The following RSRC1 variants were observed in gnomAD, a reference collection of about 807,000 sequenced individuals.
RSRC1 encodes the protein serine/Arginine-related protein 53.
RSRC1 carries 39 observed loss-of-function variants against 49.1 expected under a neutral mutation model. The observed-to-expected ratio is 0.79, with a 90% CI of 0.61 to 1.04. The LOEUF is 1.04. Ranked by LOEUF, RSRC1 falls within the 50% of genes least tolerant of loss-of-function variation. The pLI is 0.00. For synonymous variants in RSRC1, 143 were observed against 130.8 expected, an observed-to-expected ratio of 1.09 and a Z score of -0.63; for missense variants, 388 against 402.4, an observed-to-expected ratio of 0.96 and a Z score of 0.31.
At chr3:158,517,333 C>T (rs1004080682) in intron 7 of RSRC1, among the ~76,000 whole-genome samples, 2 of 152,026 alleles carry the variant, frequency 1.3e-5, no homozygotes, top group Non-Finnish European at 2.9e-5. Context: ...CTTGTTATAT[C>T]ATTTCTTTCT....
chr3:158,500,917 T>C (rs1386148365), intron 7 of RSRC1, among the ~76,000 whole-genome samples: 1 of 152,142 alleles, frequency 6.6e-6, no homozygotes, highest in African/African-American at 2.4e-5. Flanking sequence ...TTTGTTTTTT[T>C]CTTGTTTCTC....
intron 6 of RSRC1, among the ~76,000 whole-genome samples, chr3:158,442,911 T>C (rs1437466310): frequency 6.6e-6 from 1 of 152,154 alleles, no homozygotes; most frequent in Non-Finnish European, 1.5e-5. Context: ...ATTAATCCTC[T>C]TGTATGTCTC....
chr3:158,292,707 T>G (rs185220637), intron 4 of RSRC1, among the ~76,000 whole-genome samples: 191 of 152,332 alleles, frequency 1.3e-3, no homozygotes, highest in Admixed American at 3.5e-3. Context: ...TTTTTCAAAT[T>G]CATTAAAACT....
chr3:158,133,783 T>G (rs895796722), intron 3 of RSRC1, among the ~76,000 whole-genome samples: 5 of 152,248 alleles, frequency 3.3e-5, no homozygotes, highest in Admixed American at 6.5e-5. Context: ...ATCTTCTCAT[T>G]AATATACATC....
chr3:158,303,802 C>G (rs1444502357), intron 5 of RSRC1, among the ~76,000 whole-genome samples: 1 of 152,134 alleles, frequency 6.6e-6, no homozygotes, highest in Non-Finnish European at 1.5e-5. Context: ...AAAAATTCAT[C>G]TTATCTTGCA....
At chr3:158,284,427 C>T (rs1349480707) in intron 4 of RSRC1, among the ~76,000 whole-genome samples, 1 of 146,904 alleles carries the variant, frequency 6.8e-6, no homozygotes, top group Non-Finnish European at 1.5e-5. Flanking sequence ...ATGGCTGGGT[C>T]AAATGGTATT....
chr3:158,123,012 C>CTA (rs1187144786), intron 2 of RSRC1, among the ~76,000 whole-genome samples: 1 of 152,134 alleles, frequency 6.6e-6, no homozygotes, highest in Admixed American at 6.5e-5. Flanking sequence ...CAAGCCTTTG[C>CTA]TATTGTGAAC....
chr3:158,120,183 T>C (rs1476746343), intron 1 of RSRC1, among the ~76,000 whole-genome samples: 1 of 152,186 alleles, frequency 6.6e-6, no homozygotes, highest in Non-Finnish European at 1.5e-5. Context: ...TTACCTATTG[T>C]AGTTTCATTT....
At chr3:158,319,192 G>A (rs553386120) in intron 5 of RSRC1, among the ~76,000 whole-genome samples, 91 of 152,238 alleles carry the variant, frequency 6.0e-4, no homozygotes, top group African/African-American at 1.8e-3. Context: ...GGGACCTGGT[G>A]AGAGGTGATT....
At chr3:158,308,430 G>A (rs578119060) in intron 5 of RSRC1, among the ~76,000 whole-genome samples, 3 of 151,710 alleles carry the variant, frequency 2.0e-5, no homozygotes, top group Admixed American at 6.6e-5. Context: ...GGCGTCTCTC[G>A]GCAGCAACAG....
chr3:158,450,132 G>A (rs1736942104), intron 6 of RSRC1, among the ~76,000 whole-genome samples: 1 of 151,854 alleles, frequency 6.6e-6, no homozygotes, highest in Non-Finnish European at 1.5e-5. Flanking sequence ...TCAGCATTTA[G>A]CTCAGTGATT....
chr3:158,170,895 C>A (rs1318765344), intron 3 of RSRC1, among the ~76,000 whole-genome samples: 1 of 152,080 alleles, frequency 6.6e-6, no homozygotes, highest in African/African-American at 2.4e-5. Context: ...TTTTCTTTCT[C>A]TGCTTTGCCC....
At chr3:158,537,343 C>A in intron 8 of RSRC1, 145 bp downstream of exon 8, 1 of 518,270 alleles carries the variant, frequency 1.9e-6, no homozygotes, top group Non-Finnish European at 3.5e-6. Context: ...AGAGAGAAAA[C>A]AAATCAGGGA....
intron 3 of RSRC1, among the ~76,000 whole-genome samples, chr3:158,156,809 G>A (rs1717904544): frequency 6.6e-6 from 1 of 152,106 alleles, no homozygotes; most frequent in African/African-American, 2.4e-5. Flanking sequence ...AATAATTAGA[G>A]TAGTAACACT....
intron 5 of RSRC1, among the ~76,000 whole-genome samples, chr3:158,344,378 A>G (rs1730433789): frequency 1.3e-5 from 2 of 152,228 alleles, no homozygotes; most frequent in South Asian, 4.1e-4. Context: ...TATACTCATT[A>G]TTATGCATAG....
chr3:158,518,252 C>A (rs984287079), intron 7 of RSRC1, among the ~76,000 whole-genome samples: 1 of 146,182 alleles, frequency 6.8e-6, no homozygotes, highest in African/African-American at 2.5e-5. Flanking sequence ...TTTTAAAAAG[C>A]AAGATTGTGC....
chr3:158,536,804 A>G (rs1712738410), intron 7 of RSRC1, among the ~76,000 whole-genome samples: 1 of 151,520 alleles, frequency 6.6e-6, no homozygotes, highest in African/African-American at 2.4e-5. Context: ...TTCCTTTTAT[A>G]TGTATTTCCA....
chr3:158,182,526 C>A (rs1719682826), intron 3 of RSRC1, among the ~76,000 whole-genome samples: 2 of 152,022 alleles, frequency 1.3e-5, no homozygotes, highest in Non-Finnish European at 2.9e-5. Flanking sequence ...GTGTTCTGGG[C>A]TCTTTGTCTT....
chr3:158,202,992 TCAGATAA>T lies in RSRC1; in HGVS notation c.321-79_321-73del. 6.9e-6 allele frequency: 8 copies of T among 1,155,024 alleles called. No homozygotes were observed. The Admixed American group carries it at 1.0e-4, about 15-fold the overall frequency. 71.5% of individuals were successfully genotyped at this position (1,155,024 alleles called of 1,614,324 possible). A position where few individuals can be genotyped will look rare whatever the true frequency, so the allele number is the denominator to read the frequency against. On this transcript the variant is annotated intron_variant, in intron 3 of 9. Transcript: ENST00000611884. ...CACAACTAAAACTAAGTAGTTTTTT[TCAGATAA>T]TTTAAAAGAGTATTTACTTTTCACG...
Sources: gnomAD v4.1 joint callset for allele counts (sites outside exome capture counted in the v4.1 genomes callset) on GRCh38, gnomAD v4.1.1 for gene constraint, MANE v1.5 for transcripts, NCBI Gene and HGNC (gene_info 2026-07-23, HGNC 2026-07-21) for gene names.